MTBP: variants seen among roughly 807,000 people sequenced by gnomAD.
The protein encoded by MTBP is mdm2-binding protein.
Under a neutral mutation model 117.0 loss-of-function variants are expected in MTBP, and 101 were observed. The observed-to-expected ratio is 0.86, with a 90% confidence interval of 0.73 to 1.02. MTBP has a LOEUF of 1.02. MTBP is among the 50% of genes least tolerant of loss of function. MTBP has a pLI of 0.00. For missense variants in MTBP, 970 were observed against 1,030.9 expected (o/e 0.94, Z 0.81); for synonymous variants, 350 against 351.5 (o/e 1.00, Z 0.05).
At chr8:120,518,298 C>T (rs1814955938) in intron 19 of MTBP, among the ~76,000 whole-genome samples, 198 bp downstream of exon 19, 1 of 151,908 alleles carries the variant, frequency 6.6e-6, no homozygotes, top group African/African-American at 2.4e-5. Context: ...ATACTTGAAG[C>T]TGGTTAAAAG....
chr8:120,445,695 C>G (rs1813211135), intron 1 of MTBP, 107 bp downstream of exon 1: 2 of 855,880 alleles, frequency 2.3e-6, no homozygotes, highest in Non-Finnish European at 3.6e-6. Flanking sequence ...AGTTGTCCCA[C>G]GAAGCTGGGA....
At chr8:120,461,298 T>C in intron 9 of MTBP, 43 bp downstream of exon 9, 1 of 1,362,018 alleles carries the variant, frequency 7.3e-7, no homozygotes, top group African/African-American at 1.4e-5. Context: ...ACATTTTCTG[T>C]GTCAGGTAGA....
At chr8:120,472,655 G>A (rs182209044) in intron 11 of MTBP, 1 of 152,222 alleles carries the variant, frequency 6.6e-6, no homozygotes, top group African/African-American at 2.4e-5. Flanking sequence ...CAAGTTAGCT[G>A]GAATTTTTCC....
chr8:120,518,775 A>G lies in MTBP; in HGVS notation c.2568A>G (p.Ala856=), dbSNP rs1814965346. ...SITETHECFT[A]CSQRLFEISK... The stretch of plus-strand genomic sequence containing the variant: ...CCGAGACTCATGAATGTTTCACTGC[A>G]TGCAGCCAGCGTCTCTTTGAAATCT... Residue 856 remains alanine, a synonymous_variant, in exon 20 of 22, where the codon GCA becomes GCG. Transcript: ENST00000305949. 9 of 1,612,092 alleles carry G rather than the reference A, an allele frequency of 5.6e-6. No individual in the cohort carries two copies. Among genetic ancestry groups the G allele is most frequent in the Non-Finnish European group, 5.9e-6 (7 of 1,178,690 alleles).
In MTBP at chr8:120,463,685, AG is replaced by A; in HGVS notation, c.978-6del. 1 of 1,603,652 alleles carries A rather than the reference AG, an allele frequency of 6.2e-7. No individual in the cohort carries two copies. The highest frequency in any genetic ancestry group is 8.5e-7 in the Non-Finnish European group (1 of 1,173,164). On this transcript the variant is annotated splice_region_variant and splice_polypyrimidine_tract_variant and intron_variant, in intron 9 of 21. Transcript: ENST00000305949. The stretch of plus-strand genomic sequence containing the variant: ...CATTACATCATTTCTTTAACTCCTT[AG>A]TACAGAGGATTGACAAACAGTACCA...
At chr8:120,459,151 A>G in intron 7 of MTBP, 64 bp from the exon 8 acceptor site, 1 of 1,353,772 alleles carries the variant, frequency 7.4e-7, no homozygotes, top group Non-Finnish European at 1.0e-6. Context: ...TTGTAATAAG[A>G]TGTATTAATC....
At chr8:120,457,191 G>T (rs747561314) in intron 7 of MTBP, among the ~76,000 whole-genome samples, 4 of 152,050 alleles carry the variant, frequency 2.6e-5, no homozygotes, top group Non-Finnish European at 4.4e-5. Context: ...TCAATTATAA[G>T]ATGAGAATGT....
rs199875581 is a variant in MTBP at position 120,453,920 on chromosome 8, C to T, written c.484+15C>T. 138 of 1,498,094 alleles carry T rather than the reference C, an allele frequency of 9.2e-5. No homozygotes were observed. The highest frequency in any genetic ancestry group is 1.2e-4 in the Non-Finnish European group (130 of 1,092,900). 92.8% of individuals were successfully genotyped at this position (1,498,094 alleles called of 1,614,324 possible). Reference sequence around the variant, plus strand: ...TCCTGCTCCTGGTAATATTTTATGACTGCTTTCAATAATTTGTATCTTATC... The same window carrying T: ...TCCTGCTCCTGGTAATATTTTATGATTGCTTTCAATAATTTGTATCTTATC... On this transcript the variant is annotated intron_variant, in intron 5 of 21. Transcript: ENST00000305949.
chr8:120,456,641 A>AG lies in MTBP; in HGVS notation c.723dup (p.Lys242GlufsTer12). On this transcript the variant is annotated frameshift_variant, in exon 7 of 22. Transcript: ENST00000305949. LOFTEE classifies it high-confidence loss of function. ...TGTTATTGACTCAAAGGAATTATGG[A>AG]GGGGGAAAATACAGATATGGGAAAG... The AG allele has an allele frequency of 2.5e-6, 4 of 1,593,638 alleles. No homozygotes were observed. The highest frequency in any genetic ancestry group is 2.6e-6 in the Non-Finnish European group (3 of 1,165,644).
intron 12 of MTBP, 28 bp downstream of exon 12, chr8:120,488,360 A>G (rs1814264282): frequency 1.4e-6 from 2 of 1,471,974 alleles, no homozygotes; most frequent in South Asian, 1.5e-5. Flanking sequence ...GTAGAAAAAC[A>G]TGTTTACATT....
At chr8:120,461,391 A>G in intron 9 of MTBP, 136 bp downstream of exon 9, 1 of 619,938 alleles carries the variant, frequency 1.6e-6, no homozygotes, top group Non-Finnish European at 2.7e-6. Context: ...ATGTTCAAGT[A>G]GGCTGCTGGA....
intron 4 of MTBP, among the ~76,000 whole-genome samples, chr8:120,453,350 G>A (rs765341318): frequency 8.0e-4 from 122 of 151,994 alleles, no homozygotes; most frequent in Middle Eastern, 6.3e-3. Flanking sequence ...AGGAGGCTGA[G>A]GTGGGAGGAC....
chr8:120,522,768 A>C, intron 21 of MTBP, 49 bp downstream of exon 21: 1 of 1,432,002 alleles, frequency 7.0e-7, no homozygotes, highest in South Asian at 1.3e-5. Context: ...TTGGTATTTT[A>C]TTTCAGGGTT....
Position 120,456,557 on chromosome 8 carries a change from T to C in MTBP, c.634T>C (p.Cys212Arg). ...TIAGNHCEIN[C>R]QKIAEYLSAN... ...GTTGTAATCTTTTTTTTATAGAAACTGTCAGAAAATTGCAGAATACCTTTC... is the reference window on the plus strand; with the variant it reads ...GTTGTAATCTTTTTTTTATAGAAACCGTCAGAAAATTGCAGAATACCTTTC... Residue 212 changes from cysteine to arginine, a missense_variant, in exon 7 of 22, where the codon TGT becomes CGT. Coordinates refer to ENST00000305949, the MANE Select transcript of MTBP (RefSeq NM_022045.5). 1 of 1,488,616 alleles carries C rather than the reference T, an allele frequency of 6.7e-7. No homozygotes were observed. Among genetic ancestry groups the C allele is most frequent in the Non-Finnish European group, 9.3e-7 (1 of 1,078,742 alleles). The allele number at this position is 1,488,616 out of a possible 1,614,324, so 92.2% of individuals were successfully genotyped here.
intron 7 of MTBP, among the ~76,000 whole-genome samples, chr8:120,458,120 G>A (rs1318737531): frequency 6.6e-6 from 1 of 152,092 alleles, no homozygotes; most frequent in South Asian, 2.1e-4. Context: ...GAAATTAAAT[G>A]TTCGTATCTC....
At chr8:120,507,609 G>A (rs559300887) in intron 16 of MTBP, among the ~76,000 whole-genome samples, 25 of 99,426 alleles carry the variant, frequency 2.5e-4, no homozygotes, top group African/African-American at 6.3e-4. Context: ...GAATTATACT[G>A]TATAAATATT....
chr8:120,476,438 TTC>T (rs202015705), intron 11 of MTBP, among the ~76,000 whole-genome samples: 10,759 of 152,088 alleles, frequency 0.071, 542 homozygotes, highest in Non-Finnish European at 0.11. Flanking sequence ...ATAAAGGGTA[TTC>T]AGATAGGAAG....
intron 15 of MTBP, 41 bp from the exon 16 acceptor site, chr8:120,506,664 TG>T: frequency 6.9e-7 from 1 of 1,453,874 alleles, no homozygotes; most frequent in Non-Finnish European, 9.2e-7. Flanking sequence ...CTCTCTGGAT[TG>T]AATCCACTTT....
At chr8:120,488,464 A>G (rs1814266438) in intron 12 of MTBP, 132 bp downstream of exon 12, 15 of 645,892 alleles carry the variant, frequency 2.3e-5, no homozygotes, top group Non-Finnish European at 3.2e-5. Flanking sequence ...CTCTTTCATT[A>G]ATTTACCTTT....
Sources: allele counts gnomAD v4.1 joint callset (sites outside exome capture counted in the v4.1 genomes callset), GRCh38; gene constraint gnomAD v4.1.1; transcripts MANE v1.5; gene names NCBI Gene and HGNC (gene_info 2026-07-23, HGNC 2026-07-21).